ADGRV1: variants seen among roughly 807,000 people sequenced by gnomAD.
The protein encoded by ADGRV1 is adhesion G protein-coupled receptor V1, also known as G-protein coupled receptor 98.
ADGRV1 carries 359 observed loss-of-function variants against 596.2 expected under a neutral mutation model. That is an observed-to-expected ratio of 0.60 (90% CI 0.55 to 0.66). ADGRV1 has a LOEUF of 0.66. ADGRV1 is among the 30% of genes least tolerant of loss of function. The probability of loss-of-function intolerance (pLI) is 0.00; values close to 1 mark genes in which losing one functional copy is unlikely to be tolerated. For missense variants in ADGRV1, 7,274 were observed against 7,575.6 expected (o/e 0.96, Z 1.48); for synonymous variants, 2,681 against 2,679.2 (o/e 1.00, Z -0.02).
At chr5:91,096,424 T>A (rs1378677623) in intron 86 of ADGRV1, among the ~76,000 whole-genome samples, 1 of 152,252 alleles carries the variant, frequency 6.6e-6, no homozygotes, top group Non-Finnish European at 1.5e-5. Flanking sequence ...CTAACTCCCA[T>A]GAGTAGACTT....
intron 83 of ADGRV1, among the ~76,000 whole-genome samples, chr5:90,924,448 C>G (rs1284663295): frequency 6.6e-6 from 1 of 151,346 alleles, no homozygotes; most frequent in African/African-American, 2.4e-5. Flanking sequence ...AGTGTCTGTT[C>G]ATGTCCTTCG....
intron 1 of ADGRV1, among the ~76,000 whole-genome samples, chr5:90,595,246 T>G (rs1447629287): frequency 2.4e-5 from 1 of 42,204 alleles, no homozygotes. Flanking sequence ...ACGGGGCGGC[T>G]GGCCGGGCAG....
At chr5:90,724,037 A>G (rs76742855) in intron 45 of ADGRV1, among the ~76,000 whole-genome samples, 8,866 of 152,164 alleles carry the variant, frequency 0.058, 350 homozygotes, top group South Asian at 0.13. Context: ...CATTCTTAAA[A>G]TGTATAAAAT....
chr5:90,699,601 T>A (rs1747636087), intron 34 of ADGRV1, among the ~76,000 whole-genome samples: 1 of 152,150 alleles, frequency 6.6e-6, no homozygotes, highest in Non-Finnish European at 1.5e-5. Flanking sequence ...ATGTCTAGGA[T>A]CAATTTAATG....
At chr5:90,586,257 T>C (rs1758744386) in intron 1 of ADGRV1, among the ~76,000 whole-genome samples, 1 of 152,242 alleles carries the variant, frequency 6.6e-6, no homozygotes, top group Non-Finnish European at 1.5e-5. Flanking sequence ...AGCTATAAAA[T>C]GTATGGATAT....
chr5:90,580,748 G>T (rs969305998), intron 1 of ADGRV1, among the ~76,000 whole-genome samples: 4 of 151,996 alleles, frequency 2.6e-5, no homozygotes, highest in African/African-American at 4.8e-5. Flanking sequence ...GAATCTGACA[G>T]TTATGTGTGT....
At chr5:91,081,804 T>A (rs1789410350) in intron 86 of ADGRV1, among the ~76,000 whole-genome samples, 1 of 151,988 alleles carries the variant, frequency 6.6e-6, no homozygotes, top group African/African-American at 2.4e-5. Flanking sequence ...AATAAATAAA[T>A]AAAAATTTAA....
chr5:90,591,480 A>C (rs1160835214), intron 1 of ADGRV1, among the ~76,000 whole-genome samples: 5 of 152,208 alleles, frequency 3.3e-5, no homozygotes, highest in African/African-American at 1.2e-4. Context: ...TAGATAAAAT[A>C]GTTACTATAA....
intron 83 of ADGRV1, among the ~76,000 whole-genome samples, chr5:90,864,339 A>T (rs1351989557): frequency 6.6e-6 from 1 of 152,200 alleles, no homozygotes; most frequent in Non-Finnish European, 1.5e-5. Flanking sequence ...TGTGTGAAAA[A>T]CAATGACTTA....
At chr5:90,690,266 C>G (rs1029245828) in intron 30 of ADGRV1, among the ~76,000 whole-genome samples, 190 bp downstream of exon 30, 3 of 152,130 alleles carry the variant, frequency 2.0e-5, no homozygotes, top group Non-Finnish European at 4.4e-5. Context: ...GAAATTAAAT[C>G]AATCTCTTAG....
At chr5:90,597,481 A>C (rs186120964) in intron 1 of ADGRV1, among the ~76,000 whole-genome samples, 1 of 152,372 alleles carries the variant, frequency 6.6e-6, no homozygotes, top group Admixed American at 6.5e-5. Flanking sequence ...ATGTGGGCAT[A>C]ACATTGCATA....
intron 80 of ADGRV1, 45 bp from the exon 81 acceptor site, chr5:90,854,017 A>C (rs774523726): frequency 7.1e-6 from 10 of 1,415,200 alleles, no homozygotes; most frequent in Non-Finnish European, 3.9e-6. Context: ...CAGTCATTAC[A>C]CCAATTGTAA....
chr5:90,626,987 A>G (rs1342829652), intron 6 of ADGRV1, among the ~76,000 whole-genome samples: 2 of 152,174 alleles, frequency 1.3e-5, no homozygotes, highest in East Asian at 1.9e-4. Context: ...CATTACTTGT[A>G]CTATTGCTTC....
chr5:90,785,528 G>A (rs1028264890), intron 67 of ADGRV1, among the ~76,000 whole-genome samples: 14 of 152,116 alleles, frequency 9.2e-5, no homozygotes, highest in African/African-American at 3.1e-4. Context: ...CTAATATCCA[G>A]AATCTACAAA....
intron 76 of ADGRV1, among the ~76,000 whole-genome samples, chr5:90,823,875 G>C (rs1031394813): frequency 6.6e-6 from 1 of 151,616 alleles, no homozygotes; most frequent in African/African-American, 2.4e-5. Context: ...TTGTATTCTT[G>C]GTACAATTCT....
rs1792480195 is a variant in ADGRV1 at position 91,112,701 on chromosome 5, T to C, written c.18432+10361T>C. On this transcript the variant is annotated intron_variant, in intron 87 of 89. Transcript: ENST00000405460. ...GAGAATACATTTTTTAAAAAAAAAC[T>C]TTATATGAATATTTTACACCAACAT... Among the ~76,000 whole-genome samples, 3 of 152,272 alleles carry C rather than the reference T, an allele frequency of 2.0e-5. No homozygotes were observed. The South Asian group carries it at 6.2e-4, about 32-fold the overall frequency.
chr5:90,719,110 A>C (rs895084590), intron 43 of ADGRV1, among the ~76,000 whole-genome samples: 3 of 152,088 alleles, frequency 2.0e-5, no homozygotes, highest in African/African-American at 7.2e-5. Flanking sequence ...CGGGCGGATC[A>C]CTTGAGGTCA....
At chr5:90,805,902 A>T (rs1043349268) in intron 72 of ADGRV1, among the ~76,000 whole-genome samples, 1 of 152,160 alleles carries the variant, frequency 6.6e-6, no homozygotes, top group Non-Finnish European at 1.5e-5. Flanking sequence ...TGAGATGCAA[A>T]TGTTAGATGG....
chr5:90,924,902 T>G (rs575810650), intron 83 of ADGRV1, among the ~76,000 whole-genome samples: 24 of 151,992 alleles, frequency 1.6e-4, no homozygotes, highest in African/African-American at 5.8e-4. Context: ...CCTTTCCCCA[T>G]TGCTTGTTTT....
Sources: gnomAD v4.1 joint callset for allele counts (sites outside exome capture counted in the v4.1 genomes callset) on GRCh38, gnomAD v4.1.1 for gene constraint, MANE v1.5 for transcripts, NCBI Gene and HGNC (gene_info 2026-07-23, HGNC 2026-07-21) for gene names.